ANO10: variants seen among roughly 807,000 people sequenced by gnomAD.
The protein encoded by ANO10 is anoctamin 10, also known as anoctamin-10.
ANO10 carries 77 observed loss-of-function variants against 74.7 expected under a neutral mutation model. The observed-to-expected ratio is 1.03, with a 90% CI of 0.86 to 1.25. The LOEUF (loss-of-function observed/expected upper bound fraction) is 1.25, where lower values mean the gene tolerates loss of function less well. Among genes scored for constraint, ANO10 ranks in the 50% most tolerant of loss-of-function variants. The pLI, the probability that ANO10 is intolerant of heterozygous loss-of-function variation, is 0.00. For missense variants in ANO10, 721 were observed against 778.1 expected, an observed-to-expected ratio of 0.93 and a Z score of 0.87; for synonymous variants, 279 against 284.9, an observed-to-expected ratio of 0.98 and a Z score of 0.21.
intron 11 of ANO10, among the ~76,000 whole-genome samples, chr3:43,543,355 G>A (rs1441165874): frequency 6.6e-6 from 1 of 152,134 alleles, no homozygotes; most frequent in Non-Finnish European, 1.5e-5. Context: ...GATACTTCTG[G>A]TATTACAGAT....
At chr3:43,670,146 A>G (rs554856222) in intron 1 of ANO10, among the ~76,000 whole-genome samples, 76 of 152,108 alleles carry the variant, frequency 5.0e-4, no homozygotes, top group African/African-American at 1.8e-3. Context: ...TGAGCTCAGG[A>G]GTTCGTGACA....
At chr3:43,487,388 C>T (rs906534983) in intron 11 of ANO10, among the ~76,000 whole-genome samples, 5 of 152,046 alleles carry the variant, frequency 3.3e-5, no homozygotes, top group African/African-American at 1.2e-4. Flanking sequence ...GGTACCAGTT[C>T]CTCCTTGTAC....
At chr3:43,555,024 T>C (rs1050885449) in intron 10 of ANO10, among the ~76,000 whole-genome samples, 2 of 152,174 alleles carry the variant, frequency 1.3e-5, no homozygotes, top group Non-Finnish European at 2.9e-5. Flanking sequence ...TCCCAGAAGA[T>C]TGTCAGAGTT....
At chr3:43,428,796 C>CAATAAAAAAAAAAA (rs2092936509) in intron 12 of ANO10, among the ~76,000 whole-genome samples, 1 of 55,424 alleles carries the variant, frequency 1.8e-5, no homozygotes, top group African/African-American at 6.7e-5. Flanking sequence ...TTTGTGAATG[C>CAATAAAAAAAAAAA]AAAAAAAAAA....
intron 12 of ANO10, among the ~76,000 whole-genome samples, chr3:43,396,416 G>A (rs1318677931): frequency 9.2e-5 from 14 of 151,862 alleles, no homozygotes; most frequent in Admixed American, 9.2e-4. Flanking sequence ...TTGGCTCACT[G>A]CAACCTCCGC....
intron 1 of ANO10, among the ~76,000 whole-genome samples, chr3:43,660,472 C>T (rs921198801): frequency 2.0e-5 from 3 of 151,740 alleles, no homozygotes; most frequent in Admixed American, 6.6e-5. Context: ...ATAGCCTATT[C>T]GATCAAGCAG....
At chr3:43,567,754 A>G (rs575659464) in intron 7 of ANO10, among the ~76,000 whole-genome samples, 76 of 152,238 alleles carry the variant, frequency 5.0e-4, no homozygotes, top group Non-Finnish European at 9.0e-4. Context: ...GACCATCGAG[A>G]CTAGGAAGAA....
In ANO10 at chr3:43,372,097, T is replaced by G. The variant is rs183732670; in HGVS notation, c.1915-5123A>C. On this transcript the variant is annotated intron_variant, in intron 12 of 12. Coordinates refer to ENST00000292246, the MANE Select transcript of ANO10 (RefSeq NM_018075.5). ...TTTAACACTTGACAAAATGTAAAAA[T>G]GTAAGACTTGCAGGCAACCACAAGT... 3.3e-5 allele frequency among the ~76,000 whole-genome samples: 5 copies of G among 152,240 alleles called. No individual in the cohort carries two copies. The East Asian group carries it at 7.8e-4, about 24-fold the overall frequency.
At chr3:43,685,515 CT>C (rs2084263937) in intron 1 of ANO10, among the ~76,000 whole-genome samples, 1 of 152,132 alleles carries the variant, frequency 6.6e-6, no homozygotes, top group African/African-American at 2.4e-5. Flanking sequence ...TTATGTGTCT[CT>C]ATGTGCACAT....
intron 11 of ANO10, among the ~76,000 whole-genome samples, chr3:43,522,987 C>A (rs1376408805): frequency 6.6e-6 from 1 of 152,116 alleles, no homozygotes; most frequent in African/African-American, 2.4e-5. Context: ...GCAAGGGAGG[C>A]TGGAAAGGGA....
chr3:43,416,019 T>TA (rs71616093), intron 12 of ANO10, among the ~76,000 whole-genome samples: 2,535 of 142,964 alleles, frequency 0.018, 41 homozygotes, highest in African/African-American at 0.043. Context: ...TCCAAGAAGT[T>TA]AAAAAAAAAA....
intron 1 of ANO10, among the ~76,000 whole-genome samples, chr3:43,659,270 G>A (rs1559388868): frequency 6.6e-6 from 1 of 152,222 alleles, no homozygotes; most frequent in Non-Finnish European, 1.5e-5. Context: ...CACCCGAGAA[G>A]TGCAAGGGGT....
chr3:43,596,432 A>C (rs952746131), intron 4 of ANO10, among the ~76,000 whole-genome samples: 2 of 152,204 alleles, frequency 1.3e-5, no homozygotes, highest in African/African-American at 4.8e-5. Context: ...CCAATGGAAC[A>C]GAACAGAGCC....
At chr3:43,406,941 T>G (rs1346555398) in intron 12 of ANO10, among the ~76,000 whole-genome samples, 1 of 151,560 alleles carries the variant, frequency 6.6e-6, no homozygotes, top group African/African-American at 2.4e-5. Flanking sequence ...TCTTGCTCTG[T>G]CACCCAGGCT....
intron 1 of ANO10, among the ~76,000 whole-genome samples, chr3:43,689,121 ATCAT>A (rs369297134): frequency 6.6e-6 from 1 of 152,298 alleles, no homozygotes; most frequent in East Asian, 1.9e-4. Flanking sequence ...ATAGTGCCAA[ATCAT>A]TCATGAGAAA....
At chr3:43,404,919 G>GA (rs909508894) in intron 12 of ANO10, among the ~76,000 whole-genome samples, 2 of 119,912 alleles carry the variant, frequency 1.7e-5, no homozygotes, top group Non-Finnish European at 3.6e-5. Flanking sequence ...GAAAGGAAAA[G>GA]AAAAAAAAAG....
intron 1 of ANO10, among the ~76,000 whole-genome samples, chr3:43,644,582 G>A (rs2083707326): frequency 6.6e-6 from 1 of 152,218 alleles, no homozygotes; most frequent in African/African-American, 2.4e-5. Flanking sequence ...CACCTCTGTG[G>A]ATGACATCAC....
chr3:43,422,501 T>C (rs2092834860), intron 12 of ANO10, among the ~76,000 whole-genome samples: 1 of 152,204 alleles, frequency 6.6e-6, no homozygotes, highest in Non-Finnish European at 1.5e-5. Flanking sequence ...CCAATGCAAA[T>C]ACATTTGAAT....
At chr3:43,690,951 G>T in intron 1 of ANO10, 1 of 1,547,530 alleles carries the variant, frequency 6.5e-7, no homozygotes. Flanking sequence ...CGGCCTGTCA[G>T]CCGGCTTCGA....
Sources: gnomAD v4.1 joint callset for allele counts (sites outside exome capture counted in the v4.1 genomes callset) on GRCh38, gnomAD v4.1.1 for gene constraint, MANE v1.5 for transcripts, NCBI Gene and HGNC (gene_info 2026-07-23, HGNC 2026-07-21) for gene names.